TAFA1: variants seen among roughly 807,000 people sequenced by gnomAD.
TAFA1 encodes chemokine-like protein TAFA-1.
Under a neutral mutation model 18.5 loss-of-function variants are expected in TAFA1, and 4 were observed. That is an observed-to-expected ratio of 0.22 (90% confidence interval 0.11 to 0.49). TAFA1 has a LOEUF of 0.49. Ranked by LOEUF, TAFA1 falls within the 20% of genes least tolerant of loss-of-function variation. The pLI, the probability that TAFA1 is intolerant of heterozygous loss-of-function variation, is 0.98. For missense variants in TAFA1, 147 were observed against 169.0 expected (o/e 0.87, Z 0.72); for synonymous variants, 56 against 55.2 (o/e 1.01, Z -0.06).
In TAFA1 at chr3:68,417,357, A is replaced by G; in HGVS notation, c.196A>G (p.Lys66Glu). ...CATTGAGGAGCGGTCACAAACAGTA[A>G]AGTGTTCCTGTCTACCTGGAAAAGT... ...NRIEERSQTV[K>E]CSCLPGKVAG... The change falls in exon 3 of 5, where the codon AAG becomes GAG. Residue 66 changes from lysine (K) to glutamate (E), a missense_variant. Transcript: ENST00000478136. 6.2e-7 allele frequency: 1 copy of G among 1,613,524 alleles called. No individual in the cohort carries two copies. The highest frequency in any genetic ancestry group is 8.5e-7 in the Non-Finnish European group (1 of 1,179,658).
chr3:68,520,160 G>T (rs1472424967), intron 3 of TAFA1, among the ~76,000 whole-genome samples: 1 of 152,082 alleles, frequency 6.6e-6, no homozygotes, highest in Non-Finnish European at 1.5e-5. Flanking sequence ...TGGCATTTGG[G>T]CTAGAGCCAA....
intron 2 of TAFA1, among the ~76,000 whole-genome samples, chr3:68,052,327 C>G (rs1331844938): frequency 1.3e-5 from 2 of 152,074 alleles, no homozygotes; most frequent in Admixed American, 6.6e-5. Flanking sequence ...TCAAACCATC[C>G]CTTCTCAATG....
chr3:68,324,351 A>C (rs1036494556), intron 2 of TAFA1, among the ~76,000 whole-genome samples: 2 of 152,208 alleles, frequency 1.3e-5, no homozygotes, highest in Non-Finnish European at 2.9e-5. Context: ...TTATATATAC[A>C]CATCTTCTCA....
At position 68,370,468 on chromosome 3, in the gene TAFA1, GTGTGTATATATATATATATATATA is replaced by G. The variant is rs1340710225; in HGVS notation, c.119-46810_119-46787del. Reference sequence around the variant, plus strand: ...TATGTATATATATGTGTGTGTGTGTGTGTGTATATATATATATATATATATATATATATATATATATATATATAC... The same window carrying G: ...TATGTATATATATGTGTGTGTGTGTGTATATATATATATATATATATATAC... On this transcript the variant is annotated intron_variant, in intron 2 of 4. Transcript: ENST00000478136. Among the ~76,000 whole-genome samples the G allele has an allele frequency of 3.6e-4, 6 of 16,616 alleles. 1 individual carries two copies. Among genetic ancestry groups the G allele is most frequent in the Non-Finnish European group, 6.1e-4 (6 of 9,804 alleles). 10.9% of individuals were successfully genotyped at this position (16,616 alleles called of 152,430 possible). A position where few individuals can be genotyped will look rare whatever the true frequency, so the allele number is the denominator to read the frequency against.
At chr3:68,286,995 G>A (rs181762001) in intron 2 of TAFA1, among the ~76,000 whole-genome samples, 10 of 152,278 alleles carry the variant, frequency 6.6e-5, no homozygotes, top group Non-Finnish European at 1.2e-4. Flanking sequence ...CAGCAGTTGT[G>A]GGGCCCCCGC....
At chr3:68,124,552 G>A (rs1337460869) in intron 2 of TAFA1, among the ~76,000 whole-genome samples, 1 of 152,240 alleles carries the variant, frequency 6.6e-6, no homozygotes, top group African/African-American at 2.4e-5. Flanking sequence ...CTCTTCCCAT[G>A]CAAGTGTATG....
chr3:68,370,353 T>TAA (rs776307736), intron 2 of TAFA1, among the ~76,000 whole-genome samples: 1 of 41,120 alleles, frequency 2.4e-5, no homozygotes, highest in African/African-American at 1.1e-4. Flanking sequence ...TATATATATA[T>TAA]ACACACACAC....
intron 3 of TAFA1, among the ~76,000 whole-genome samples, chr3:68,440,023 G>C (rs1182001372): frequency 1.3e-5 from 2 of 149,678 alleles, no homozygotes; most frequent in East Asian, 2.1e-4. Context: ...ATATGAAATT[G>C]ATATGGTTTA....
intron 2 of TAFA1, among the ~76,000 whole-genome samples, chr3:68,213,014 T>C (rs1037247125): frequency 6.6e-6 from 1 of 151,354 alleles, no homozygotes; most frequent in Admixed American, 6.6e-5. Flanking sequence ...AACTTACAAA[T>C]GGTGGTATTT....
chr3:68,126,668 T>A (rs2065468494), intron 2 of TAFA1, among the ~76,000 whole-genome samples: 1 of 152,220 alleles, frequency 6.6e-6, no homozygotes, highest in Admixed American at 6.5e-5. Flanking sequence ...AGAGGGAGCT[T>A]ATGGAAAGAT....
chr3:68,367,942 G>A (rs1465957792), intron 2 of TAFA1, among the ~76,000 whole-genome samples: 1 of 152,132 alleles, frequency 6.6e-6, no homozygotes, highest in Non-Finnish European at 1.5e-5. Context: ...TCACTTAGCT[G>A]CTGCCCATAT....
intron 2 of TAFA1, among the ~76,000 whole-genome samples, chr3:68,091,336 A>C (rs2065027897): frequency 1.3e-5 from 2 of 152,118 alleles, no homozygotes; most frequent in South Asian, 4.1e-4. Flanking sequence ...TAGTATGTTT[A>C]TTGTTTTTTC....
chr3:68,392,016 C>T (rs931085380), intron 2 of TAFA1, among the ~76,000 whole-genome samples: 3 of 151,966 alleles, frequency 2.0e-5, no homozygotes, highest in Admixed American at 1.3e-4. Context: ...ACAATACTAA[C>T]CTTAAATGTA....
At chr3:68,148,130 A>G (rs2065765106) in intron 2 of TAFA1, among the ~76,000 whole-genome samples, 1 of 152,200 alleles carries the variant, frequency 6.6e-6, no homozygotes, top group South Asian at 2.1e-4. Flanking sequence ...TTGTCTAATT[A>G]ATAGCCACAG....
rs146215367 is a variant in TAFA1, at chr3:68,163,842, G to A, written c.118+157098G>A. Among the ~76,000 whole-genome samples the A allele has an allele frequency of 7.9e-3, 1,209 of 152,278 alleles. 16 individuals are homozygous for A. The highest frequency in any genetic ancestry group is 0.028 in the African/African-American group (1,155 of 41,550). Reference sequence around the variant, plus strand: ...ATGGGAAGGAGCATGTAAGTAGACCGTGTAACCAGTCAAACTCTGCCAGGG... The same window carrying A: ...ATGGGAAGGAGCATGTAAGTAGACCATGTAACCAGTCAAACTCTGCCAGGG... On this transcript the variant is annotated intron_variant, in intron 2 of 4. Coordinates refer to ENST00000478136, the MANE Select transcript of TAFA1 (RefSeq NM_213609.4).
At chr3:68,501,420 C>T (rs2668173) in intron 3 of TAFA1, among the ~76,000 whole-genome samples, 30,798 of 151,956 alleles carry the variant, frequency 0.2, 3,207 homozygotes, top group Middle Eastern at 0.24. Context: ...AATAAATAAT[C>T]TGAAAATGTT....
At position 68,195,989 on chromosome 3, in the gene TAFA1, G is replaced by A. The variant is rs2066405540; in HGVS notation, c.118+189245G>A. Among the ~76,000 whole-genome samples the A allele has an allele frequency of 2.6e-5, 4 of 151,594 alleles. No homozygotes were observed. The South Asian group carries it at 8.3e-4, about 31-fold the overall frequency. On this transcript the variant is annotated intron_variant, in intron 2 of 4. Coordinates refer to ENST00000478136, the MANE Select transcript of TAFA1 (RefSeq NM_213609.4). ...TAAAAATATTTTCTCTCTTCTTCTG[G>A]TCTCAATAGCATCAGAAATGTATAG...
intron 2 of TAFA1, among the ~76,000 whole-genome samples, chr3:68,310,555 T>C (rs1015183652): frequency 8.5e-5 from 13 of 152,224 alleles, no homozygotes; most frequent in African/African-American, 2.9e-4. Flanking sequence ...CATATTCATA[T>C]TCATTACAAC....
chr3:68,354,395 C>G (rs894045110), intron 2 of TAFA1, among the ~76,000 whole-genome samples: 6 of 151,946 alleles, frequency 3.9e-5, no homozygotes, highest in Non-Finnish European at 7.4e-5. Context: ...AGCTGAGATG[C>G]TACTGCTCTT....
Sources: gnomAD v4.1 joint callset for allele counts (sites outside exome capture counted in the v4.1 genomes callset) on GRCh38, gnomAD v4.1.1 for gene constraint, MANE v1.5 for transcripts, NCBI Gene and HGNC (gene_info 2026-07-23, HGNC 2026-07-21) for gene names.